Variants in ARMC2 observed in about 807,000 individuals in gnomAD.
The protein encoded by ARMC2 is armadillo repeat containing 2.
In ARMC2, 67 loss-of-function variants were observed where a neutral mutation model predicts 90.3. That is an observed-to-expected ratio of 0.74 (90% CI 0.61 to 0.91). ARMC2 has a LOEUF of 0.91. Among genes scored for constraint, ARMC2 ranks in the 40% least tolerant of loss-of-function variants. The pLI, the probability that ARMC2 is intolerant of heterozygous loss-of-function variation, is 0.00. For missense variants in ARMC2, 920 were observed against 1,030.9 expected (o/e 0.89, Z 1.47); for synonymous variants, 393 against 393.0 (o/e 1.00, Z 0.00).
At position 108,912,371 on chromosome 6, in the gene ARMC2, A is replaced by C; in HGVS notation, c.1163A>C (p.Gln388Pro). The C allele has an allele frequency of 6.2e-7, 1 of 1,611,444 alleles. No homozygotes were observed. The highest frequency in any genetic ancestry group is 8.5e-7 in the Non-Finnish European group (1 of 1,179,200). ...LLEVLRSEDL[Q>P]TNMEAFLYCM... ...GAGGTACTAAGAAGTGAAGACCTGC[A>C]AACTAACATGGAAGCTTTTTTATAC... Residue 388 changes from glutamine (Q) to proline (P), a missense_variant, in exon 10 of 18, where the codon CAA becomes CCA. Coordinates refer to ENST00000392644, the MANE Select transcript of ARMC2 (RefSeq NM_032131.6).
intron 3 of ARMC2, among the ~76,000 whole-genome samples, chr6:108,865,162 T>C (rs1775688037): frequency 6.6e-6 from 1 of 152,060 alleles, no homozygotes; most frequent in Non-Finnish European, 1.5e-5. Context: ...TTTGTATTTT[T>C]AGTAGAGATG....
chr6:108,988,426 T>C, the ARMC2 span: 1 of 825,614 alleles, frequency 1.2e-6, no homozygotes, highest in Non-Finnish European at 1.8e-6. Flanking sequence ...TGTCCTGGAA[T>C]GTTTTTCTTT....
the ARMC2 span, chr6:108,992,794 C>A: frequency 2.5e-6 from 4 of 1,608,972 alleles, no homozygotes; most frequent in South Asian, 1.1e-5. Flanking sequence ...TACCTGGACA[C>A]GAAATGTTGG....
downstream of ARMC2, among the ~76,000 whole-genome samples, chr6:108,976,787 G>A (rs1383981117): frequency 1.3e-5 from 2 of 152,278 alleles, no homozygotes; most frequent in East Asian, 1.9e-4. Flanking sequence ...GTTCACTCAC[G>A]ATTTGGCTCT....
chr6:108,918,019 G>T lies in ARMC2; in HGVS notation c.1350+5461G>T, dbSNP rs150112340. Among the ~76,000 whole-genome samples the T allele has an allele frequency of 3.1e-3, 479 of 152,258 alleles. 1 individual carries two copies. Among genetic ancestry groups the T allele is most frequent in the Non-Finnish European group, 5.5e-3 (373 of 68,024 alleles). On this transcript the variant is annotated intron_variant, in intron 10 of 17. Transcript: ENST00000392644. ...ATATAAAACTTTCAGATGCCAGCAG[G>T]CCTCTCAAGTAGGAAGTAGGAGATA...
chr6:108,990,899 T>C, the ARMC2 span: 1 of 1,352,260 alleles, frequency 7.4e-7, no homozygotes, highest in Non-Finnish European at 1.0e-6. Context: ...TATCTATAGC[T>C]CTGTAGCATG....
chr6:109,008,384 A>G, the ARMC2 span, among the ~76,000 whole-genome samples: 1 of 152,252 alleles, frequency 6.6e-6, no homozygotes, highest in Non-Finnish European at 1.5e-5. Flanking sequence ...AGATTTTTAA[A>G]GATTGTTTTA....
chr6:108,876,483 A>G, intron 5 of ARMC2, 133 bp downstream of exon 5: 1 of 835,248 alleles, frequency 1.2e-6, no homozygotes. Context: ...GGGTACATGA[A>G]TAGGAGAGAC....
At chr6:108,898,280 T>TTC (rs141987868) in intron 6 of ARMC2, among the ~76,000 whole-genome samples, 3 of 151,424 alleles carry the variant, frequency 2.0e-5, no homozygotes, top group African/African-American at 4.8e-5. Context: ...TCTCTGTCTC[T>TTC]TCTCTCTCTC....
At chr6:109,004,617 A>G in the ARMC2 span, among the ~76,000 whole-genome samples, 1 of 145,188 alleles carries the variant, frequency 6.9e-6, no homozygotes, top group African/African-American at 2.9e-5. Flanking sequence ...TTTTTAGTAG[A>G]GACAGGGTTT....
At chr6:108,882,136 TA>T (rs201951522) in intron 5 of ARMC2, among the ~76,000 whole-genome samples, 5,167 of 142,570 alleles carry the variant, frequency 0.036, 209 homozygotes, top group East Asian at 0.21. Flanking sequence ...ATCATTCTCT[TA>T]AAAAAAAAAA....
At chr6:108,860,681 A>G (rs1426775806) in intron 3 of ARMC2, among the ~76,000 whole-genome samples, 4 of 150,148 alleles carry the variant, frequency 2.7e-5, no homozygotes, top group African/African-American at 7.4e-5. Context: ...AAAAAAAAAA[A>G]GAGTAGTGGC....
At chr6:108,865,934 A>G (rs371668361) in intron 3 of ARMC2, among the ~76,000 whole-genome samples, 2 of 151,008 alleles carry the variant, frequency 1.3e-5, no homozygotes, top group East Asian at 1.9e-4. Flanking sequence ...GGAGAATTGC[A>G]TGAGACCAGG....
At position 108,973,741 on chromosome 6, in the gene ARMC2, GA is replaced by G. The variant is rs1238648196; in HGVS notation, c.*231del. ...TTTCCTGTTGAGAGAAATGTAAGAT[GA>G]AAATATGTGCATTTTCAAGTAAATG... On this transcript the variant is annotated 3_prime_UTR_variant, in exon 18 of 18. Transcript: ENST00000392644. 2.6e-6 allele frequency: 1 copy of G among 377,394 alleles called. No individual in the cohort carries two copies. The highest frequency in any genetic ancestry group is 4.2e-5 in the Admixed American group (1 of 23,904). The allele number at this position is 377,394 out of a possible 1,614,324, so 23.4% of individuals were successfully genotyped here.
At chr6:109,002,428 A>C in the ARMC2 span, 15 of 1,006,446 alleles carry the variant, frequency 1.5e-5, no homozygotes, top group Non-Finnish European at 2.0e-5. Context: ...AAAAACAACC[A>C]GTCGAACAGA....
At chr6:108,856,703 A>G (rs1415117407) in intron 2 of ARMC2, 1 of 153,600 alleles carries the variant, frequency 6.5e-6, no homozygotes, top group African/African-American at 2.4e-5. Context: ...ATTAACATCC[A>G]CTGCACCTCC....
rs187795902 is a variant in ARMC2, at chr6:108,962,952, T to C, written c.2152+825T>C. On this transcript the variant is annotated intron_variant, in intron 15 of 17. Transcript: ENST00000392644. ...AGTTTGAGGCTACAGTGAGCCATGATTGTGCCACTGCCCTCTAGGCTGGGA... is the reference window on the plus strand; with the variant it reads ...AGTTTGAGGCTACAGTGAGCCATGACTGTGCCACTGCCCTCTAGGCTGGGA... Among the ~76,000 whole-genome samples the C allele has an allele frequency of 2.1e-3, 320 of 152,278 alleles. 2 individuals are homozygous for C. Among genetic ancestry groups the C allele is most frequent in the African/African-American group, 7.4e-3 (307 of 41,558 alleles).
intron 4 of ARMC2, among the ~76,000 whole-genome samples, chr6:108,872,695 A>C (rs928412117): frequency 6.6e-6 from 1 of 152,204 alleles, no homozygotes; most frequent in Non-Finnish European, 1.5e-5. Flanking sequence ...TGTTCCATAA[A>C]GCACAAGAGG....
At chr6:108,963,052 A>G (rs12195378) in intron 15 of ARMC2, among the ~76,000 whole-genome samples, 18,415 of 152,222 alleles carry the variant, frequency 0.12, 1,226 homozygotes, top group Middle Eastern at 0.19. Flanking sequence ...ACCTTTGGAA[A>G]GAAAGGGATG....
Sources: allele counts gnomAD v4.1 joint callset (sites outside exome capture counted in the v4.1 genomes callset), GRCh38; gene constraint gnomAD v4.1.1; transcripts MANE v1.5; gene names NCBI Gene and HGNC (gene_info 2026-07-23, HGNC 2026-07-21).